PLB1: variants seen among roughly 807,000 people sequenced by gnomAD.
The protein encoded by PLB1 is phospholipase B1, also known as phospholipase B1, membrane-associated.
PLB1 carries 242 observed loss-of-function variants against 227.4 expected under a neutral mutation model. The observed-to-expected ratio is 1.06, with a 90% CI of 0.96 to 1.18. The LOEUF is 1.18. PLB1 is among the 50% of genes most tolerant of loss of function. PLB1 has a pLI of 0.00. For missense variants in PLB1, 1,858 were observed against 1,816.3 expected (o/e 1.02, Z -0.42); for synonymous variants, 757 against 682.2 (o/e 1.11, Z -1.71).
At chr2:28,618,941 C>G (rs540017596) in intron 46 of PLB1, among the ~76,000 whole-genome samples, 61 of 152,310 alleles carry the variant, frequency 4.0e-4, no homozygotes, top group African/African-American at 1.4e-3. Flanking sequence ...GTATGAAACA[C>G]AGTCATAGCC....
At chr2:28,589,918 C>T (rs989089341) in intron 28 of PLB1, 87 bp from the exon 29 acceptor site, 1 of 1,394,326 alleles carries the variant, frequency 7.2e-7, no homozygotes, top group Non-Finnish European at 1.0e-6. Flanking sequence ...TCATCCCTCC[C>T]TGCCTCCCGC....
intron 49 of PLB1, among the ~76,000 whole-genome samples, chr2:28,624,301 A>T (rs536070347): frequency 1.2e-4 from 19 of 152,296 alleles, no homozygotes; most frequent in African/African-American, 4.6e-4. Flanking sequence ...AATTTTATAT[A>T]AATGGGATCA....
intron 4 of PLB1, among the ~76,000 whole-genome samples, chr2:28,520,653 T>C (rs1553403114): frequency 6.6e-6 from 1 of 152,112 alleles, no homozygotes; most frequent in Non-Finnish European, 1.5e-5. Context: ...TTTCCCTCTC[T>C]GTTTTGGCAG....
intron 25 of PLB1, 125 bp downstream of exon 25, chr2:28,582,630 C>T: frequency 1.4e-6 from 1 of 726,352 alleles, no homozygotes; most frequent in African/African-American, 1.8e-5. Context: ...ACCCCATCTT[C>T]TAACCTGGAA....
chr2:28,532,253 C>T, intron 9 of PLB1, 59 bp downstream of exon 9: 1 of 1,375,362 alleles, frequency 7.3e-7, no homozygotes, highest in Non-Finnish European at 1.0e-6. Context: ...AGGGAGTGAA[C>T]TAAACCTGCC....
intron 51 of PLB1, among the ~76,000 whole-genome samples, chr2:28,628,314 T>C (rs973419182): frequency 6.6e-5 from 10 of 152,008 alleles, no homozygotes; most frequent in Admixed American, 5.2e-4. Context: ...GAGTCCACTG[T>C]TGGGTCTGAG....
chr2:28,511,788 C>CTTTTTTTTTTT lies in PLB1; in HGVS notation c.56-5016_56-5006dup, dbSNP rs59137589. On this transcript the variant is annotated intron_variant, in intron 1 of 57. Transcript: ENST00000327757. Reference sequence around the variant, plus strand: ...TTTGGGAAGTTTTCAGCCATTTTATCTTTTTTTTTTTTTTGAGATGGAGTT... The same window carrying CTTTTTTTTTTT: ...TTTGGGAAGTTTTCAGCCATTTTATCTTTTTTTTTTTTTTTTTTTTTTTTTGAGATGGAGTT... Among the ~76,000 whole-genome samples the CTTTTTTTTTTT allele has an allele frequency of 5.2e-4, 69 of 132,622 alleles. 1 individual carries two copies. Among genetic ancestry groups the CTTTTTTTTTTT allele is most frequent in the South Asian group, 1.3e-3 (5 of 3,982 alleles). The allele number at this position is 132,622 out of a possible 152,430, so 87.0% of individuals were successfully genotyped here.
intron 24 of PLB1, 81 bp from the exon 25 acceptor site, chr2:28,582,324 C>G (rs964991161): frequency 7.7e-7 from 1 of 1,305,730 alleles, no homozygotes; most frequent in African/African-American, 1.5e-5. Context: ...TCTGAAACTT[C>G]AGCAGGAGGA....
rs371389812 is a variant in PLB1, at chr2:28,525,253, A to C, written c.244-14A>C. 7 of 1,612,630 alleles carry C rather than the reference A, an allele frequency of 4.3e-6. No homozygotes were observed. Among genetic ancestry groups the C allele is most frequent in the Non-Finnish European group, 5.9e-6 (7 of 1,179,690 alleles). On this transcript the variant is annotated splice_polypyrimidine_tract_variant and intron_variant, in intron 4 of 57. Coordinates refer to ENST00000327757, the MANE Select transcript of PLB1 (RefSeq NM_153021.5). The stretch of plus-strand genomic sequence containing the variant: ...CTCCCCTGGCTGGGTGTTAACATTG[A>C]GTATCTATTCCAGCCTCCAGACCCA...
chr2:28,574,721 C>T (rs938799952), intron 21 of PLB1, among the ~76,000 whole-genome samples: 10 of 151,964 alleles, frequency 6.6e-5, no homozygotes, highest in South Asian at 4.2e-4. Context: ...TATGCCTTTG[C>T]GTCCTCATAG....
chr2:28,589,481 G>C lies in PLB1; in HGVS notation c.1847G>C (p.Arg616Pro), dbSNP rs778501379. Residue 616 changes from arginine to proline, a missense_variant, in exon 27 of 58, where the codon CGA becomes CCA. Coordinates refer to ENST00000327757, the MANE Select transcript of PLB1 (RefSeq NM_153021.5). The stretch of plus-strand genomic sequence containing the variant: ...ACCCACCAACTGATTGAGAGTGGGC[G>C]ATATGACACAAGGGAAGATTTTACT... ...EKTHQLIESGRYDTREDFTVV... is the reference protein window; with the variant it reads ...EKTHQLIESGPYDTREDFTVV... 2 of 1,614,178 alleles carry C rather than the reference G, an allele frequency of 1.2e-6. No individual in the cohort carries two copies. The highest frequency in any genetic ancestry group is 2.2e-5 in the South Asian group (2 of 91,080).
At chr2:28,539,903 A>C (rs570858548) in intron 11 of PLB1, among the ~76,000 whole-genome samples, 2 of 151,444 alleles carry the variant, frequency 1.3e-5, no homozygotes, top group Admixed American at 6.6e-5. Context: ...GCTTTCCTCC[A>C]TTCCATATCT....
At chr2:28,516,724 C>A in intron 1 of PLB1, 84 bp from the exon 2 acceptor site, 1 of 1,227,892 alleles carries the variant, frequency 8.1e-7, no homozygotes, top group Non-Finnish European at 1.2e-6. Context: ...ACAGATATGG[C>A]TAGGAGGAAG....
intron 54 of PLB1, among the ~76,000 whole-genome samples, chr2:28,631,058 A>G (rs973347174): frequency 3.0e-4 from 45 of 151,644 alleles, no homozygotes; most frequent in African/African-American, 1.1e-3. Flanking sequence ...GGAGGCTGAG[A>G]TGGGAGGACA....
intron 30 of PLB1, among the ~76,000 whole-genome samples, chr2:28,591,395 G>A (rs1265517255): frequency 2.0e-5 from 3 of 152,238 alleles, no homozygotes; most frequent in Non-Finnish European, 2.9e-5. Flanking sequence ...CGACATAAGT[G>A]AAGAGAAATC....
chr2:28,516,741 A>G (rs990198942), intron 1 of PLB1, 67 bp from the exon 2 acceptor site: 21 of 1,445,718 alleles, frequency 1.5e-5, no homozygotes, highest in Middle Eastern at 1.7e-4. Flanking sequence ...GAAGGGCATG[A>G]AAGCTACAAA....
chr2:28,539,641 C>G (rs1672186195), intron 11 of PLB1, among the ~76,000 whole-genome samples: 1 of 151,952 alleles, frequency 6.6e-6, no homozygotes, highest in Non-Finnish European at 1.5e-5. Context: ...GGCTCTGGAC[C>G]TAGAAAAGAA....
chr2:28,574,337 C>A (rs1192408277), intron 21 of PLB1, among the ~76,000 whole-genome samples: 1 of 31,402 alleles, frequency 3.2e-5, no homozygotes, highest in Admixed American at 4.2e-4. Flanking sequence ...TAATCCCTCA[C>A]CCCCCCCACC....
chr2:28,519,592 C>A, intron 3 of PLB1, 113 bp from the exon 4 acceptor site: 1 of 770,708 alleles, frequency 1.3e-6, no homozygotes, highest in South Asian at 1.7e-5. Flanking sequence ...GACTGGACCT[C>A]CGCAGCTGTC....
Sources: gnomAD v4.1 joint callset for allele counts (sites outside exome capture counted in the v4.1 genomes callset) on GRCh38, gnomAD v4.1.1 for gene constraint, MANE v1.5 for transcripts, NCBI Gene and HGNC (gene_info 2026-07-23, HGNC 2026-07-21) for gene names.